The following C9orf43 variants were observed in gnomAD, a reference collection of about 807,000 sequenced individuals.
C9orf43 encodes uncharacterized protein C9orf43.
In C9orf43, 45 loss-of-function variants were observed where a neutral mutation model predicts 59.1. The ratio of observed to expected loss-of-function variants is 0.76; its 90% CI spans 0.60 to 0.98. The LOEUF (loss-of-function observed/expected upper bound fraction) is 0.98. Among genes scored for constraint, C9orf43 ranks in the 50% least tolerant of loss-of-function variants. The pLI is 0.00. For synonymous variants in C9orf43, 203 were observed against 196.8 expected (o/e 1.03, Z -0.26); for missense variants, 533 against 554.9 (o/e 0.96, Z 0.40).
At chr9:113,412,343 A>AC (rs1251604579) in intron 1 of C9orf43, among the ~76,000 whole-genome samples, 1 of 152,252 alleles carries the variant, frequency 6.6e-6, no homozygotes, top group Non-Finnish European at 1.5e-5. Context: ...GCCAAACAAA[A>AC]CAAGTAATAG....
chr9:113,415,916 A>G (rs1828338614), intron 3 of C9orf43, among the ~76,000 whole-genome samples: 1 of 152,118 alleles, frequency 6.6e-6, no homozygotes, highest in Non-Finnish European at 1.5e-5. Flanking sequence ...GACTATTTTC[A>G]TGTTCTCTAG....
chr9:113,426,123 AC>A (rs1828784134), intron 11 of C9orf43, among the ~76,000 whole-genome samples: 1 of 152,030 alleles, frequency 6.6e-6, no homozygotes, highest in African/African-American at 2.4e-5. Context: ...CCTCACTAGA[AC>A]CCCAAAAGAG....
chr9:113,418,080 A>G (rs1264084902), intron 3 of C9orf43, among the ~76,000 whole-genome samples: 1 of 152,226 alleles, frequency 6.6e-6, no homozygotes, highest in Non-Finnish European at 1.5e-5. Context: ...ACATAATAAA[A>G]ATTGACCATT....
In C9orf43 at chr9:113,429,347, T is replaced by A. The variant is rs895536099; in HGVS notation, c.1347T>A (p.Asp449Glu). The stretch of plus-strand genomic sequence containing the variant: ...TACTTAGGATTCTTCAGGACACTGA[T>A]GATGAGGATGAGGAGGACCAGTCCT... ...LKLLRILQDT[D>E]DEDEEDQSSG... is the part of the protein sequence containing the mutation. The change falls in exon 14 of 14, where the codon GAT (aspartate) becomes GAA (glutamate). Residue 449 changes from aspartate to glutamate, a missense_variant. Physicochemically the swap from Asp to Glu is conservative, Grantham distance 45. Transcript: ENST00000374165. The A allele has an allele frequency of 5.6e-6, 9 of 1,614,102 alleles. No individual in the cohort carries two copies. The highest frequency in any genetic ancestry group is 7.6e-6 in the Non-Finnish European group (9 of 1,180,020).
At chr9:113,419,212 T>C (rs1249128956) in intron 4 of C9orf43, 47 bp downstream of exon 4, 2 of 1,391,938 alleles carry the variant, frequency 1.4e-6, no homozygotes, top group African/African-American at 1.4e-5. Flanking sequence ...TTTTCTTTAC[T>C]AGTGGAAATA....
At chr9:113,411,886 C>G (rs1430111974) in intron 1 of C9orf43, among the ~76,000 whole-genome samples, 2 of 152,102 alleles carry the variant, frequency 1.3e-5, no homozygotes, top group Non-Finnish European at 2.9e-5. Flanking sequence ...CCATGTTGCC[C>G]AGGCTGGTCT....
intron 5 of C9orf43, among the ~76,000 whole-genome samples, chr9:113,421,721 C>A (rs1828581940): frequency 6.6e-6 from 1 of 152,108 alleles, no homozygotes; most frequent in Non-Finnish European, 1.5e-5. Flanking sequence ...ATCCTTGAGG[C>A]TTTCAGGTTC....
At chr9:113,412,464 T>C (rs1377289952) in intron 1 of C9orf43, among the ~76,000 whole-genome samples, 1 of 152,172 alleles carries the variant, frequency 6.6e-6, no homozygotes, top group African/African-American at 2.4e-5. Context: ...CCCTCACATA[T>C]TTAGTAATCA....
chr9:113,422,828 T>G (rs1828634159), intron 6 of C9orf43, among the ~76,000 whole-genome samples: 2 of 152,064 alleles, frequency 1.3e-5, no homozygotes, highest in Non-Finnish European at 2.9e-5. Flanking sequence ...TGTTGCGTGT[T>G]CAGGGGGGGA....
chr9:113,412,915 C>T (rs1175345207), intron 1 of C9orf43, among the ~76,000 whole-genome samples: 1 of 152,192 alleles, frequency 6.6e-6, no homozygotes, highest in Non-Finnish European at 1.5e-5. Flanking sequence ...ATTTTATCTG[C>T]CTGCATGGGA....
chr9:113,413,607 C>A lies in C9orf43; in HGVS notation c.114C>A (p.Ile38=). ...GCATTGAGAGGGGCCATCCTCGAAT[C>A]CTCGGCTCATCCTGCAAAACTCCCC... The part of the protein sequence containing the change: ...IRRIERGHPR[I]LGSSCKTPLD... The change falls in exon 2 of 14, where the codon ATC becomes ATA. Residue 38 remains isoleucine (I), a synonymous_variant. Coordinates refer to ENST00000374165, the MANE Select transcript of C9orf43 (RefSeq NM_001278629.2). 1 of 1,614,234 alleles carries A rather than the reference C, an allele frequency of 6.2e-7. No homozygotes were observed. The highest frequency in any genetic ancestry group is 8.5e-7 in the Non-Finnish European group (1 of 1,180,030).
intron 3 of C9orf43, among the ~76,000 whole-genome samples, chr9:113,416,875 C>T (rs1219039275): frequency 1.3e-5 from 2 of 152,162 alleles, no homozygotes; most frequent in Non-Finnish European, 2.9e-5. Flanking sequence ...CCCCTCGGGG[C>T]AAAATTGCCC....
chr9:113,415,810 C>G (rs192083869), intron 3 of C9orf43, among the ~76,000 whole-genome samples: 13 of 152,234 alleles, frequency 8.5e-5, no homozygotes, highest in African/African-American at 3.1e-4. Context: ...GAATAAAGCA[C>G]CAGTGGTGGC....
chr9:113,411,135 G>GCA, intron 1 of C9orf43, 134 bp downstream of exon 1: 2 of 985,236 alleles, frequency 2.0e-6, no homozygotes, highest in Non-Finnish European at 2.4e-6. Context: ...TTCGGACTGG[G>GCA]CAGGTAACGA....
At chr9:113,419,431 A>G (rs1180282134) in intron 4 of C9orf43, among the ~76,000 whole-genome samples, 1 of 152,192 alleles carries the variant, frequency 6.6e-6, no homozygotes, top group Non-Finnish European at 1.5e-5. Context: ...TATCCTGCAT[A>G]GAACATGTTC....
At chr9:113,411,667 TTTTA>T (rs1828161978) in intron 1 of C9orf43, among the ~76,000 whole-genome samples, 1 of 152,000 alleles carries the variant, frequency 6.6e-6, no homozygotes, top group Admixed American at 6.5e-5. Context: ...CTCCCACTGA[TTTTA>T]TTTATTTTTT....
In C9orf43 at chr9:113,425,633, TG is replaced by T; in HGVS notation, c.943-7del. 1 of 1,610,922 alleles carries T rather than the reference TG, an allele frequency of 6.2e-7. No homozygotes were observed. The highest frequency in any genetic ancestry group is 1.1e-5 in the South Asian group (1 of 90,516). On this transcript the variant is annotated splice_polypyrimidine_tract_variant and intron_variant, in intron 10 of 13. Transcript: ENST00000374165. ...AAATCCTAATTTGTTCCTCCTGATG[TG>T]GGTTTCAGGAGGCTAAAAAGAAAGC...
chr9:113,417,636 G>C (rs1210653968), intron 3 of C9orf43, among the ~76,000 whole-genome samples: 3 of 152,232 alleles, frequency 2.0e-5, no homozygotes, highest in Admixed American at 2.0e-4. Context: ...TCTGTGCCTA[G>C]ACTGGAAGTC....
chr9:113,421,703 C>T (rs182768609), intron 5 of C9orf43, among the ~76,000 whole-genome samples: 3 of 152,270 alleles, frequency 2.0e-5, no homozygotes, highest in African/African-American at 7.2e-5. Flanking sequence ...TTTGGTTCTT[C>T]TTTCCTGATC....
Sources: allele counts gnomAD v4.1 joint callset (sites outside exome capture counted in the v4.1 genomes callset), GRCh38; gene constraint gnomAD v4.1.1; transcripts MANE v1.5; gene names NCBI Gene and HGNC (gene_info 2026-07-23, HGNC 2026-07-21).